Variants in MYO5C observed in about 807,000 individuals in gnomAD.
MYO5C encodes the protein myosin VC.
A neutral mutation model predicts 235.7 loss-of-function variants in MYO5C; 194 were observed. The ratio of observed to expected loss-of-function variants is 0.82; its 90% CI spans 0.73 to 0.93. The LOEUF (loss-of-function observed/expected upper bound fraction) is 0.93, where lower values mean the gene tolerates loss of function less well. Among genes scored for constraint, MYO5C ranks in the 40% least tolerant of loss-of-function variants. The pLI, the probability that MYO5C is intolerant of heterozygous loss-of-function variation, is 0.00. For synonymous variants in MYO5C, 707 were observed against 754.8 expected, an observed-to-expected ratio of 0.94 and a Z score of 1.04; for missense variants, 2,038 against 2,127.2, an observed-to-expected ratio of 0.96 and a Z score of 0.82.
intron 23 of MYO5C, among the ~76,000 whole-genome samples, chr15:52,234,869 C>T (rs114559587): frequency 0.01 from 1,586 of 152,262 alleles, 31 homozygotes; most frequent in African/African-American, 0.035. Context: ...GCTAGAGGTG[C>T]GTGTAGAATC....
intron 13 of MYO5C, 140 bp downstream of exon 13, chr15:52,251,250 G>A (rs552717842): frequency 2.8e-4 from 199 of 714,862 alleles, no homozygotes; most frequent in Non-Finnish European, 3.7e-4. Context: ...AACAAATAAG[G>A]AACTGTTAAA....
chr15:52,234,694 G>A (rs1423723953), intron 23 of MYO5C, among the ~76,000 whole-genome samples: 1 of 152,136 alleles, frequency 6.6e-6, no homozygotes, highest in African/African-American at 2.4e-5. Flanking sequence ...AGAACAGGAG[G>A]GCATGGCCTG....
intron 7 of MYO5C, among the ~76,000 whole-genome samples, 171 bp downstream of exon 7, chr15:52,271,592 G>A (rs1466739347): frequency 5.3e-5 from 8 of 150,238 alleles, no homozygotes; most frequent in Non-Finnish European, 7.4e-5. Flanking sequence ...TCATCCCCCC[G>A]GCCCTAATCC....
In MYO5C at chr15:52,237,514, TCTC is replaced by T; in HGVS notation, c.2833_2835del (p.Glu945del). 3 of 1,614,140 alleles carry T rather than the reference TCTC, an allele frequency of 1.9e-6. No individual in the cohort carries two copies. In the South Asian group the frequency reaches 3.3e-5, roughly 18 times the overall value. On this transcript the variant is annotated inframe_deletion, in exon 22 of 41. Coordinates refer to ENST00000261839, the MANE Select transcript of MYO5C (RefSeq NM_018728.4). ...ACAGCATCCCTGTATCTCTTCCCCTTCTCCTCGTAATTTCGCCTGTGAGTGGCT... is the reference window on the plus strand; with the variant it reads ...ACAGCATCCCTGTATCTCTTCCCCTTCTCGTAATTTCGCCTGTGAGTGGCT...
chr15:52,277,108 G>A (rs752951335), intron 4 of MYO5C: 13 of 495,962 alleles, frequency 2.6e-5, no homozygotes, highest in Non-Finnish European at 5.0e-5. Flanking sequence ...AAGACTCTGA[G>A]AAGTGAAATG....
chr15:52,252,993 A>T (rs956833973), intron 12 of MYO5C, among the ~76,000 whole-genome samples: 2 of 152,214 alleles, frequency 1.3e-5, no homozygotes, highest in African/African-American at 4.8e-5. Context: ...AGAAAACTCA[A>T]TTCTTATTAG....
At chr15:52,212,355 GGAT>G (rs1215627557) in intron 34 of MYO5C, among the ~76,000 whole-genome samples, 1 of 152,134 alleles carries the variant, frequency 6.6e-6, no homozygotes, top group African/African-American at 2.4e-5. Flanking sequence ...CGCTCAGTGG[GGAT>G]GAAGGGGAGA....
At chr15:52,198,555 TTTG>T (rs557450240) in intron 38 of MYO5C, among the ~76,000 whole-genome samples, 23 of 152,186 alleles carry the variant, frequency 1.5e-4, no homozygotes, top group East Asian at 3.9e-4. Flanking sequence ...TTGCTTAGTT[TTTG>T]TTGTTGTTGT....
chr15:52,250,009 C>T (rs1167857877), intron 13 of MYO5C, among the ~76,000 whole-genome samples: 1 of 152,162 alleles, frequency 6.6e-6, no homozygotes, highest in Non-Finnish European at 1.5e-5. Flanking sequence ...GAGAGAATTA[C>T]ATGTCCAGAA....
At chr15:52,203,065 T>G (rs1461716931) in intron 38 of MYO5C, among the ~76,000 whole-genome samples, 1 of 151,748 alleles carries the variant, frequency 6.6e-6, no homozygotes, top group African/African-American at 2.4e-5. Context: ...AGATTACAGG[T>G]GTGCACCACC....
chr15:52,251,377 AC>A lies in MYO5C; in HGVS notation c.1662+12del. 6.3e-7 allele frequency: 1 copy of A among 1,587,518 alleles called. No homozygotes were observed. Among genetic ancestry groups the A allele is most frequent in the Non-Finnish European group, 8.6e-7 (1 of 1,165,058 alleles). ...TCCGGGGTTGACAGCATTGATGGAG[AC>A]CTTCACGGTACCTTATCAGCAAAGT... On this transcript the variant is annotated intron_variant, in intron 13 of 40. Coordinates refer to ENST00000261839, the MANE Select transcript of MYO5C (RefSeq NM_018728.4).
At position 52,233,923 on chromosome 15, in the gene MYO5C, T is replaced by A. The variant is rs74015639; in HGVS notation, c.2963-1238A>T. Among the ~76,000 whole-genome samples, 356 of 152,368 alleles carry A rather than the reference T, an allele frequency of 2.3e-3. 2 individuals carry two copies. Among genetic ancestry groups the A allele is most frequent in the African/African-American group, 8.1e-3 (338 of 41,588 alleles). ...ATAGCAATTCTCCAAATTACTTTTT[T>A]TTTTTAGCCAACAGTTTAATAGTTT... On this transcript the variant is annotated intron_variant, in intron 23 of 40. Coordinates refer to ENST00000261839, the MANE Select transcript of MYO5C (RefSeq NM_018728.4).
Position 52,237,532 on chromosome 15 carries a change from TG to T in MYO5C, c.2817del (p.His939GlnfsTer39). 6.2e-7 allele frequency: 1 copy of T among 1,614,226 alleles called. No individual in the cohort carries two copies. Among genetic ancestry groups the T allele is most frequent in the Non-Finnish European group, 8.5e-7 (1 of 1,180,032 alleles). ...LEAELEKAATHRRNYEEKGKR... is the reference protein window; with the variant it reads ...LEAELEKAATXRRNYEEKGKR... ...TTCCCCTTCTCCTCGTAATTTCGCCTGTGAGTGGCTGCTTTTTCTAGTTCTG... is the reference window on the plus strand; with the variant it reads ...TTCCCCTTCTCCTCGTAATTTCGCCTTGAGTGGCTGCTTTTTCTAGTTCTG... On this transcript the variant is annotated frameshift_variant, in exon 22 of 41. Transcript: ENST00000261839. LOFTEE classifies it high-confidence loss of function.
At chr15:52,286,977 T>A (rs78707574) in intron 1 of MYO5C, among the ~76,000 whole-genome samples, 9,248 of 139,714 alleles carry the variant, frequency 0.066, 565 homozygotes, top group African/African-American at 0.16. Flanking sequence ...AAAGAAAAAC[T>A]AACAAACAAA....
chr15:52,211,638 C>T (rs932774675), intron 35 of MYO5C, 92 bp downstream of exon 35: 1 of 1,389,336 alleles, frequency 7.2e-7, no homozygotes, highest in African/African-American at 1.4e-5. Context: ...TGTGGCTCAC[C>T]ACACAATGGA....
chr15:52,200,069 G>A (rs2035151345), intron 38 of MYO5C, among the ~76,000 whole-genome samples: 1 of 152,106 alleles, frequency 6.6e-6, no homozygotes, highest in African/African-American at 2.4e-5. Context: ...TTTAAGAACT[G>A]AACTATGAAA....
intron 24 of MYO5C, among the ~76,000 whole-genome samples, chr15:52,230,353 A>C (rs2035919073): frequency 6.6e-6 from 1 of 151,774 alleles, no homozygotes; most frequent in South Asian, 2.1e-4. Context: ...AAAGGGAAAA[A>C]CTCTGAGAAA....
At chr15:52,253,904 G>GT (rs1259140200) in intron 11 of MYO5C, among the ~76,000 whole-genome samples, 2 of 147,260 alleles carry the variant, frequency 1.4e-5, no homozygotes, top group African/African-American at 4.9e-5. Context: ...CACTTGGGCT[G>GT]TAAGGGTATC....
intron 10 of MYO5C, among the ~76,000 whole-genome samples, chr15:52,259,237 G>A (rs1456330544): frequency 3.9e-5 from 6 of 151,930 alleles, no homozygotes; most frequent in African/African-American, 1.2e-4. Context: ...TGGCTAATAC[G>A]GTGAAACCCA....
Sources: allele counts gnomAD v4.1 joint callset (sites outside exome capture counted in the v4.1 genomes callset), GRCh38; gene constraint gnomAD v4.1.1; transcripts MANE v1.5; gene names NCBI Gene and HGNC (gene_info 2026-07-23, HGNC 2026-07-21).